AUTS2: variants seen among roughly 807,000 people sequenced by gnomAD.
The protein encoded by AUTS2 is activator of transcription and developmental regulator AUTS2.
A neutral mutation model predicts 112.4 loss-of-function variants in AUTS2; 17 were observed. That is an observed-to-expected ratio of 0.15 (90% confidence interval 0.10 to 0.23). The LOEUF is 0.23. AUTS2 is among the 10% of genes least tolerant of loss of function. The pLI, the probability that AUTS2 is intolerant of heterozygous loss-of-function variation, is 1.00. For synonymous variants in AUTS2, 751 were observed against 702.7 expected, an observed-to-expected ratio of 1.07 and a Z score of -1.09; for missense variants, 1,510 against 1,701.6, an observed-to-expected ratio of 0.89 and a Z score of 1.98.
intron 1 of AUTS2, among the ~76,000 whole-genome samples, chr7:69,695,183 G>A (rs574926078): frequency 9.2e-5 from 14 of 152,006 alleles, no homozygotes; most frequent in Non-Finnish European, 1.9e-4. Flanking sequence ...AGAAAAAAAA[G>A]TCACATGTGG....
At chr7:70,666,230 CA>C (rs1471927898) in intron 5 of AUTS2, among the ~76,000 whole-genome samples, 1 of 152,144 alleles carries the variant, frequency 6.6e-6, no homozygotes, top group Non-Finnish European at 1.5e-5. Context: ...ATGATAATGG[CA>C]TTATGGTTTA....
chr7:70,053,793 T>C (rs1039290557), intron 2 of AUTS2, among the ~76,000 whole-genome samples: 5 of 152,114 alleles, frequency 3.3e-5, no homozygotes, highest in African/African-American at 1.2e-4. Context: ...CCTCCTGTCT[T>C]GGCCTCCCAA....
intron 4 of AUTS2, among the ~76,000 whole-genome samples, chr7:70,266,511 AC>A (rs1441111353): frequency 6.6e-6 from 1 of 152,030 alleles, no homozygotes; most frequent in Non-Finnish European, 1.5e-5. Flanking sequence ...TTAAAATGAT[AC>A]ATTTTATGTT....
chr7:69,870,448 A>AATATGTATATATATATATATATAT (rs1554395052), intron 1 of AUTS2, among the ~76,000 whole-genome samples: 1 of 78,964 alleles, frequency 1.3e-5, no homozygotes, highest in Non-Finnish European at 2.5e-5. Flanking sequence ...ATGTGTGTGT[A>AATATGTATATATATATATATATAT]ATATATATAT....
chr7:70,787,033 G>T, intron 17 of AUTS2, 176 bp from the exon 18 acceptor site: 1 of 733,664 alleles, frequency 1.4e-6, no homozygotes, highest in South Asian at 1.5e-5. Flanking sequence ...TACCTCTCCA[G>T]TGTAGGACAA....
At chr7:69,657,122 G>C (rs949130698) in intron 1 of AUTS2, among the ~76,000 whole-genome samples, 1 of 152,172 alleles carries the variant, frequency 6.6e-6, no homozygotes, top group African/African-American at 2.4e-5. Flanking sequence ...GGCTCCTTCA[G>C]CTTTCCCCTC....
intron 5 of AUTS2, among the ~76,000 whole-genome samples, chr7:70,654,297 T>C (rs1299329824): frequency 1.3e-5 from 2 of 152,338 alleles, no homozygotes; most frequent in South Asian, 2.1e-4. Flanking sequence ...TTGAGGGCTT[T>C]TGAGGGCCAT....
At chr7:69,788,010 T>C (rs1390801149) in intron 1 of AUTS2, among the ~76,000 whole-genome samples, 1 of 152,240 alleles carries the variant, frequency 6.6e-6, no homozygotes, top group Non-Finnish European at 1.5e-5. Flanking sequence ...GGAATCACCC[T>C]TGAATGAATT....
intron 4 of AUTS2, among the ~76,000 whole-genome samples, chr7:70,326,917 C>CTTTCT (rs1554367990): frequency 8.3e-6 from 1 of 120,686 alleles, no homozygotes. Context: ...ATGCTTGGTT[C>CTTTCT]TTTTTTTTTT....
chr7:69,991,445 C>T (rs986575462), intron 2 of AUTS2, among the ~76,000 whole-genome samples: 1 of 152,074 alleles, frequency 6.6e-6, no homozygotes, highest in Admixed American at 6.5e-5. Flanking sequence ...GCTCACTGTG[C>T]GAAAACCCAT....
chr7:70,057,505 G>A (rs1802046886), intron 2 of AUTS2, among the ~76,000 whole-genome samples: 2 of 152,146 alleles, frequency 1.3e-5, no homozygotes, highest in Non-Finnish European at 2.9e-5. Context: ...TGATGAAATT[G>A]CAAAGGAATG....
intron 4 of AUTS2, among the ~76,000 whole-genome samples, chr7:70,147,041 A>C (rs1400795569): frequency 6.6e-6 from 1 of 152,114 alleles, no homozygotes; most frequent in Non-Finnish European, 1.5e-5. Context: ...CACATTACCA[A>C]GTTGTTACAA....
intron 2 of AUTS2, among the ~76,000 whole-genome samples, chr7:69,958,654 C>T (rs1398956563): frequency 2.0e-5 from 3 of 152,156 alleles, no homozygotes; most frequent in Non-Finnish European, 4.4e-5. Flanking sequence ...AGTCACTCTG[C>T]AACTACAAGA....
intron 2 of AUTS2, among the ~76,000 whole-genome samples, chr7:69,999,145 G>C (rs1799075834): frequency 6.6e-6 from 1 of 152,146 alleles, no homozygotes; most frequent in South Asian, 2.1e-4. Context: ...GCACTTGAAG[G>C]AAAGAGAGGG....
chr7:70,464,045 A>G (rs1797077174), intron 5 of AUTS2, among the ~76,000 whole-genome samples: 1 of 152,180 alleles, frequency 6.6e-6, no homozygotes, highest in African/African-American at 2.4e-5. Context: ...AGGATGTGGG[A>G]GCAGGCACAG....
At chr7:69,678,904 C>T (rs775818426) in intron 1 of AUTS2, among the ~76,000 whole-genome samples, 8 of 152,098 alleles carry the variant, frequency 5.3e-5, no homozygotes, top group African/African-American at 9.7e-5. Flanking sequence ...TAGCTTTTGC[C>T]GATAATGCTG....
At chr7:70,504,697 A>T (rs1798896689) in intron 5 of AUTS2, among the ~76,000 whole-genome samples, 1 of 152,212 alleles carries the variant, frequency 6.6e-6, no homozygotes, top group Non-Finnish European at 1.5e-5. Flanking sequence ...AGTTTCCTGC[A>T]AGTGTTTGGG....
At chr7:70,701,289 G>A (rs560161686) in intron 6 of AUTS2, among the ~76,000 whole-genome samples, 2 of 152,358 alleles carry the variant, frequency 1.3e-5, no homozygotes, top group South Asian at 2.1e-4. Flanking sequence ...TGCACAGTGC[G>A]GAGATGAAGC....
At chr7:70,477,959 G>C (rs749598168) in intron 5 of AUTS2, among the ~76,000 whole-genome samples, 1 of 38,464 alleles carries the variant, frequency 2.6e-5, no homozygotes, top group African/African-American at 2.3e-4. Context: ...ATCTGTGAGC[G>C]TGGTTCTGAC....
Sources: gnomAD v4.1 joint callset for allele counts (sites outside exome capture counted in the v4.1 genomes callset) on GRCh38, gnomAD v4.1.1 for gene constraint, MANE v1.5 for transcripts, NCBI Gene and HGNC (gene_info 2026-07-23, HGNC 2026-07-21) for gene names.